The following MPP7 variants were observed in gnomAD, a reference collection of about 807,000 sequenced individuals.
The protein encoded by MPP7 is MAGUK p55 subfamily member 7.
Under a neutral mutation model 76.5 loss-of-function variants are expected in MPP7, and 60 were observed. The ratio of observed to expected loss-of-function variants is 0.78; its 90% CI spans 0.64 to 0.97. MPP7 has a LOEUF of 0.97. Ranked by LOEUF, MPP7 falls within the 50% of genes least tolerant of loss-of-function variation. The pLI, the probability that MPP7 is intolerant of heterozygous loss-of-function variation, is 0.00. For missense variants in MPP7, 641 were observed against 694.0 expected, an observed-to-expected ratio of 0.92 and a Z score of 0.86; for synonymous variants, 237 against 244.5, an observed-to-expected ratio of 0.97 and a Z score of 0.29.
At chr10:28,296,418 C>A in intron 1 of MPP7, among the ~76,000 whole-genome samples, 1 of 152,234 alleles carries the variant, frequency 6.6e-6, no homozygotes. Context: ...CACACACACA[C>A]CCCAACCACT....
intron 2 of MPP7, among the ~76,000 whole-genome samples, chr10:28,313,763 C>CG (rs766066193): frequency 5.7e-4 from 86 of 151,964 alleles, no homozygotes; most frequent in Non-Finnish European, 1.1e-3. Flanking sequence ...CTTGGCTCAC[C>CG]GCAGCCTGAA....
chr10:28,230,875 C>T (rs977254189), intron 2 of MPP7, among the ~76,000 whole-genome samples: 2 of 151,960 alleles, frequency 1.3e-5, no homozygotes, highest in South Asian at 2.1e-4. Flanking sequence ...AATCCATAAT[C>T]GCTGAGGGAG....
chr10:28,265,495 A>G (rs2132982290), intron 1 of MPP7, among the ~76,000 whole-genome samples: 1 of 152,182 alleles, frequency 6.6e-6, no homozygotes, highest in East Asian at 1.9e-4. Flanking sequence ...GGGGGTCAAG[A>G]ATGCAGTGAG....
rs1207624337 is a variant in MPP7, at chr10:28,111,660, G to A, written c.952+7991C>T. Among the ~76,000 whole-genome samples, 4 of 152,196 alleles carry A rather than the reference G, an allele frequency of 2.6e-5. No homozygotes were observed. In the East Asian group the frequency reaches 7.7e-4, roughly 29 times the overall value. ...TAACAATAACCTGACAATTATCAATGTTATATACATATCAAATGAGTTATG... is the reference window on the plus strand; with the variant it reads ...TAACAATAACCTGACAATTATCAATATTATATACATATCAAATGAGTTATG... On this transcript the variant is annotated intron_variant, in intron 11 of 16. Coordinates refer to ENST00000683449, the MANE Select transcript of MPP7 (RefSeq NM_001318170.2).
chr10:28,134,921 G>C (rs1240952195), intron 5 of MPP7, among the ~76,000 whole-genome samples: 1 of 152,116 alleles, frequency 6.6e-6, no homozygotes, highest in Non-Finnish European at 1.5e-5. Flanking sequence ...GTCCAGAATT[G>C]TGTACCCAGC....
At chr10:28,266,845 AACTTT>A (rs1301479339) in intron 1 of MPP7, among the ~76,000 whole-genome samples, 4 of 152,214 alleles carry the variant, frequency 2.6e-5, no homozygotes, top group Admixed American at 6.5e-5. Flanking sequence ...GAGCATCATT[AACTTT>A]ATGTCTCTAG....
chr10:28,267,354 T>G (rs1840179569), intron 1 of MPP7, among the ~76,000 whole-genome samples: 1 of 152,204 alleles, frequency 6.6e-6, no homozygotes. Flanking sequence ...CTGGGTATAG[T>G]GTGGTGAACA....
At chr10:28,330,400 T>G (rs939972551) in intron 1 of MPP7, among the ~76,000 whole-genome samples, 1 of 152,190 alleles carries the variant, frequency 6.6e-6, no homozygotes. Context: ...ATCACACCTG[T>G]GAATAGCTAC....
chr10:28,056,769 T>C (rs545148844), intron 15 of MPP7, 146 bp from the exon 16 acceptor site: 2 of 643,770 alleles, frequency 3.1e-6, no homozygotes, highest in South Asian at 2.8e-5. Flanking sequence ...CTGTTGACAA[T>C]TAAATGTAAC....
At chr10:28,172,574 C>G (rs573987511) in intron 3 of MPP7, among the ~76,000 whole-genome samples, 1 of 152,280 alleles carries the variant, frequency 6.6e-6, no homozygotes, top group South Asian at 2.1e-4. Context: ...AGTTGATTTT[C>G]CAGCTAGGAC....
Position 28,051,585 on chromosome 10 carries a change from A to T in MPP7, c.*2480T>A, listed in dbSNP as rs1205896236. 2 of 152,044 alleles carry T rather than the reference A, an allele frequency of 1.3e-5. No individual in the cohort carries two copies. The highest frequency in any genetic ancestry group is 1.5e-5 in the Non-Finnish European group (1 of 68,006). The allele number at this position is 152,044 out of a possible 1,614,324, so 9.4% of individuals were successfully genotyped here. A position where few individuals can be genotyped will look rare whatever the true frequency, so the allele number is the denominator to read the frequency against. ...TCCAACTTAGGGAGCTGGCTTCTGGAGGGAGGAGTGCTATTCTCCTTGCTG... is the reference window on the plus strand; with the variant it reads ...TCCAACTTAGGGAGCTGGCTTCTGGTGGGAGGAGTGCTATTCTCCTTGCTG... On this transcript the variant is annotated 3_prime_UTR_variant, in exon 17 of 17. Coordinates refer to ENST00000683449, the MANE Select transcript of MPP7 (RefSeq NM_001318170.2).
At chr10:28,306,685 AT>A (rs375568553), upstream of MPP7, among the ~76,000 whole-genome samples, 9 of 150,162 alleles carry the variant, frequency 6.0e-5, no homozygotes, top group South Asian at 2.2e-4. Flanking sequence ...AGAGAGAGAG[AT>A]GATAGATAAT....
chr10:28,266,445 T>C lies in MPP7; in HGVS notation c.-131-27710A>G, dbSNP rs1257419784. Among the ~76,000 whole-genome samples, 3 of 152,104 alleles carry C rather than the reference T, an allele frequency of 2.0e-5. No individual in the cohort carries two copies. In the East Asian group the frequency reaches 5.8e-4, roughly 29 times the overall value. On this transcript the variant is annotated intron_variant, in intron 1 of 16. Coordinates refer to ENST00000683449, the MANE Select transcript of MPP7 (RefSeq NM_001318170.2). ...GTCCTCATAACATATAGTTTTGCCA[T>C]GAAGAATTAGAAAAAGTTAACATAT...
intron 1 of MPP7, among the ~76,000 whole-genome samples, chr10:28,331,574 T>TTAG (rs1346212505): frequency 2.0e-5 from 3 of 152,098 alleles, no homozygotes; most frequent in Non-Finnish European, 2.9e-5. Flanking sequence ...TTAAAAATTA[T>TTAG]TAGTATTATT....
intron 2 of MPP7, among the ~76,000 whole-genome samples, chr10:28,326,608 A>G (rs1169731873): frequency 6.6e-6 from 1 of 152,248 alleles, no homozygotes; most frequent in East Asian, 1.9e-4. Flanking sequence ...GCCCTGGCTA[A>G]GGCTAATGTC....
chr10:28,228,149 C>A (rs1422481730), intron 2 of MPP7, among the ~76,000 whole-genome samples: 2 of 152,088 alleles, frequency 1.3e-5, no homozygotes, highest in African/African-American at 4.8e-5. Context: ...AGTTCAAGAC[C>A]TTGCTTTTCC....
At chr10:28,134,190 A>G (rs1306538046) in intron 5 of MPP7, among the ~76,000 whole-genome samples, 1 of 152,178 alleles carries the variant, frequency 6.6e-6, no homozygotes, top group Non-Finnish European at 1.5e-5. Flanking sequence ...AACATTTTAC[A>G]TTATTAGTCT....
chr10:28,085,826 A>C lies in MPP7; in HGVS notation c.1123+3845T>G, dbSNP rs548840820. On this transcript the variant is annotated intron_variant, in intron 12 of 16. Coordinates refer to ENST00000683449, the MANE Select transcript of MPP7 (RefSeq NM_001318170.2). The stretch of plus-strand genomic sequence containing the variant: ...AGGATTGATATCACAGGGCTAGAAA[A>C]AAAAGGCTTTAGGATTCTGCTGGGA... Among the ~76,000 whole-genome samples, 16 of 152,320 alleles carry C rather than the reference A, an allele frequency of 1.1e-4. No individual in the cohort carries two copies. In the South Asian group the frequency reaches 2.9e-3, roughly 28 times the overall value.
intron 2 of MPP7, among the ~76,000 whole-genome samples, chr10:28,221,079 T>C (rs1838488307): frequency 6.6e-6 from 1 of 152,102 alleles, no homozygotes; most frequent in African/African-American, 2.4e-5. Flanking sequence ...AACCTCAAGC[T>C]AACAAAAAGA....
Sources: allele counts gnomAD v4.1 joint callset (sites outside exome capture counted in the v4.1 genomes callset), GRCh38; gene constraint gnomAD v4.1.1; transcripts MANE v1.5; gene names NCBI Gene and HGNC (gene_info 2026-07-23, HGNC 2026-07-21).